ADGRB3: variants seen among roughly 807,000 people sequenced by gnomAD.
ADGRB3 encodes brain-specific angiogenesis inhibitor 3.
In ADGRB3, 37 loss-of-function variants were observed where a neutral mutation model predicts 193.4. That is an observed-to-expected ratio of 0.19 (90% CI 0.15 to 0.25). The LOEUF (loss-of-function observed/expected upper bound fraction) is 0.25, where lower values mean the gene tolerates loss of function less well. ADGRB3 is among the 10% of genes least tolerant of loss of function. The pLI is 1.00. For synonymous variants in ADGRB3, 690 were observed against 644.2 expected, an observed-to-expected ratio of 1.07 and a Z score of -1.08; for missense variants, 1,637 against 1,852.9, an observed-to-expected ratio of 0.88 and a Z score of 2.14.
chr6:68,888,001 G>A (rs62416406), intron 3 of ADGRB3, among the ~76,000 whole-genome samples: 14,560 of 152,104 alleles, frequency 0.096, 880 homozygotes, highest in Non-Finnish European at 0.13. Context: ...CAAGTATTGT[G>A]CTTTCTGCCA....
intron 11 of ADGRB3, among the ~76,000 whole-genome samples, chr6:69,008,258 G>T (rs949617622): frequency 6.6e-6 from 1 of 152,128 alleles, no homozygotes; most frequent in Non-Finnish European, 1.5e-5. Flanking sequence ...AACGAGGGAA[G>T]TAACCCTCAT....
chr6:68,639,513 G>T, intron 3 of ADGRB3, 81 bp downstream of exon 3: 3 of 1,403,130 alleles, frequency 2.1e-6, no homozygotes, highest in Non-Finnish European at 2.8e-6. Context: ...CAACACACAG[G>T]CCTAATTATT....
chr6:69,298,900 C>T lies in ADGRB3; in HGVS notation c.2815-25972C>T, dbSNP rs116370572. On this transcript the variant is annotated intron_variant, in intron 20 of 31. Coordinates refer to ENST00000370598, the MANE Select transcript of ADGRB3 (RefSeq NM_001704.3). ...TCCTTTCTTTTGAATATACACCCAG[C>T]AGTTGGATTGCTGGATCATATGGTA... 8.6e-3 allele frequency among the ~76,000 whole-genome samples: 1,302 copies of T among 152,008 alleles called. 15 individuals are homozygous for T. The highest frequency in any genetic ancestry group is 0.03 in the African/African-American group (1,247 of 41,500).
chr6:68,802,456 A>T (rs10806605), intron 3 of ADGRB3, among the ~76,000 whole-genome samples: 40,588 of 151,996 alleles, frequency 0.27, 6,047 homozygotes, highest in Middle Eastern at 0.34. Flanking sequence ...TGTAGAAGCA[A>T]TAGTTTTGAC....
At position 69,210,153 on chromosome 6, in the gene ADGRB3, T is replaced by TATATATATATATATATATATATATATC. The variant is rs1194112354; in HGVS notation, c.2481-23120_2481-23119insTATATATATCATATATATATATATATA. Among the ~76,000 whole-genome samples the TATATATATATATATATATATATATATC allele has an allele frequency of 6.0e-4, 69 of 115,754 alleles. 7 individuals carry two copies. The highest frequency in any genetic ancestry group is 1.3e-3 in the Admixed American group (16 of 12,116). 75.9% of individuals were successfully genotyped at this position (115,754 alleles called of 152,430 possible). Reference sequence around the variant, plus strand: ...ATATCATATATTAATATATATCATATATATATATATATATATAAAGGGGAG... The same window carrying TATATATATATATATATATATATATATC: ...ATATCATATATTAATATATATCATATATATATATATATATATATATATATATCATATATATATATATATAAAGGGGAG... On this transcript the variant is annotated intron_variant, in intron 17 of 31. Coordinates refer to ENST00000370598, the MANE Select transcript of ADGRB3 (RefSeq NM_001704.3).
chr6:68,953,555 A>AG (rs1405805541), intron 6 of ADGRB3, among the ~76,000 whole-genome samples: 4 of 152,202 alleles, frequency 2.6e-5, no homozygotes, highest in Non-Finnish European at 4.4e-5. Context: ...GCCAAAATAG[A>AG]GGGGAAATAG....
intron 17 of ADGRB3, among the ~76,000 whole-genome samples, chr6:69,112,136 C>T (rs544506771): frequency 1.3e-5 from 2 of 152,220 alleles, no homozygotes; most frequent in South Asian, 4.2e-4. Context: ...ATAGGCAGGC[C>T]GTCCAGAGAC....
chr6:68,665,699 T>C (rs1280773927), intron 3 of ADGRB3, among the ~76,000 whole-genome samples: 1 of 151,818 alleles, frequency 6.6e-6, no homozygotes, highest in Non-Finnish European at 1.5e-5. Flanking sequence ...TTTGCTTGGA[T>C]ATCTCTTTAA....
chr6:69,291,200 T>C (rs905423021), intron 20 of ADGRB3, among the ~76,000 whole-genome samples: 1 of 152,190 alleles, frequency 6.6e-6, no homozygotes, highest in African/African-American at 2.4e-5. Flanking sequence ...CCCACCTTCA[T>C]ATAATTCTCG....
At chr6:68,815,681 A>G (rs747674065) in intron 3 of ADGRB3, among the ~76,000 whole-genome samples, 1 of 151,294 alleles carries the variant, frequency 6.6e-6, no homozygotes, top group Non-Finnish European at 1.5e-5. Context: ...CACAAAAACT[A>G]TTTCTGAATT....
At chr6:69,325,077 A>G (rs1768539285) in intron 21 of ADGRB3, 55 bp downstream of exon 21, 5 of 1,561,082 alleles carry the variant, frequency 3.2e-6, no homozygotes, top group Non-Finnish European at 4.3e-6. Flanking sequence ...TTGAACACAC[A>G]TTAGAAAGCA....
In ADGRB3 at chr6:68,727,551, A is replaced by G. The variant is rs180905431; in HGVS notation, c.757+88119A>G. 1.3e-3 allele frequency among the ~76,000 whole-genome samples: 199 copies of G among 151,644 alleles called. 1 individual carries two copies. Among genetic ancestry groups the G allele is most frequent in the African/African-American group, 4.5e-3 (186 of 41,466 alleles). On this transcript the variant is annotated intron_variant, in intron 3 of 31. Coordinates refer to ENST00000370598, the MANE Select transcript of ADGRB3 (RefSeq NM_001704.3). The stretch of plus-strand genomic sequence containing the variant: ...AAAACTAAAAGATGTATACCAAGAA[A>G]TCCATGCTGGTACATTGTAATTTAA...
chr6:68,881,808 CT>C (rs1218073541), intron 3 of ADGRB3, among the ~76,000 whole-genome samples: 31 of 152,256 alleles, frequency 2.0e-4, no homozygotes, highest in African/African-American at 7.2e-4. Context: ...TATGTGTGTG[CT>C]TCAGTTTAAA....
chr6:69,346,051 C>A (rs1361817477), intron 26 of ADGRB3, among the ~76,000 whole-genome samples: 1 of 152,110 alleles, frequency 6.6e-6, no homozygotes, highest in Non-Finnish European at 1.5e-5. Flanking sequence ...TTGTAAAGGA[C>A]CTCTTCAAGG....
intron 3 of ADGRB3, among the ~76,000 whole-genome samples, chr6:68,834,453 A>G (rs1168344808): frequency 6.6e-6 from 1 of 152,182 alleles, no homozygotes; most frequent in Non-Finnish European, 1.5e-5. Context: ...GTGTGTTTAT[A>G]TAATTTTCTA....
At chr6:69,325,079 T>C (rs1422768628) in intron 21 of ADGRB3, 57 bp downstream of exon 21, 1 of 1,557,324 alleles carries the variant, frequency 6.4e-7, no homozygotes, top group Non-Finnish European at 8.7e-7. Flanking sequence ...GAACACACAT[T>C]AGAAAGCAGT....
chr6:69,345,067 AG>A (rs1374188550), intron 26 of ADGRB3, among the ~76,000 whole-genome samples: 1 of 152,138 alleles, frequency 6.6e-6, no homozygotes, highest in East Asian at 1.9e-4. Flanking sequence ...TTGAGGACAA[AG>A]CATTGACTAA....
intron 17 of ADGRB3, among the ~76,000 whole-genome samples, chr6:69,130,220 C>T (rs1038519151): frequency 6.6e-6 from 1 of 151,904 alleles, no homozygotes; most frequent in African/African-American, 2.4e-5. Flanking sequence ...GGGCACTGAT[C>T]CCAATTACAA....
rs550005820 is a variant in ADGRB3 at position 69,274,445 on chromosome 6, T to TTTCCTTCCTTCC, written c.2814+35241_2814+35252dup. 4.4e-4 allele frequency among the ~76,000 whole-genome samples: 54 copies of TTTCCTTCCTTCC among 123,336 alleles called. 1 individual carries two copies. The highest frequency in any genetic ancestry group is 1.3e-3 in the African/African-American group (39 of 28,894). 80.9% of individuals were successfully genotyped at this position (123,336 alleles called of 152,430 possible). On this transcript the variant is annotated intron_variant, in intron 20 of 31. Coordinates refer to ENST00000370598, the MANE Select transcript of ADGRB3 (RefSeq NM_001704.3). ...GTTGTCTCTCACATTGGTGGTTGCA[T>TTTCCTTCCTTCC]TTCCTTCCTTCCTTCCTTCCTTCCT... is the stretch of plus-strand genomic sequence containing the variant.
Sources: allele counts gnomAD v4.1 joint callset (sites outside exome capture counted in the v4.1 genomes callset), GRCh38; gene constraint gnomAD v4.1.1; transcripts MANE v1.5; gene names NCBI Gene and HGNC (gene_info 2026-07-23, HGNC 2026-07-21).